Variants in COL21A1 observed in about 807,000 individuals in gnomAD.
COL21A1 encodes collagen type XXI alpha 1 chain, also known as collagen alpha-1(XXI) chain.
Under a neutral mutation model 137.9 loss-of-function variants are expected in COL21A1, and 149 were observed. The observed-to-expected ratio is 1.08, with a 90% confidence interval of 0.95 to 1.24. The LOEUF (loss-of-function observed/expected upper bound fraction) is 1.24. Ranked by LOEUF, COL21A1 falls within the 50% of genes most tolerant of loss-of-function variation. The pLI is 0.00. For missense variants in COL21A1, 1,167 were observed against 1,158.4 expected (o/e 1.01, Z -0.11); for synonymous variants, 456 against 391.5 (o/e 1.16, Z -1.95).
upstream of COL21A1, among the ~76,000 whole-genome samples, chr6:56,252,357 C>G (rs1393408692): frequency 6.6e-6 from 1 of 152,152 alleles, no homozygotes; most frequent in Non-Finnish European, 1.5e-5. Context: ...TGTTAAGCTC[C>G]GTAACTTAAC....
chr6:56,260,039 G>A (rs1371353124), intron 1 of COL21A1, among the ~76,000 whole-genome samples: 1 of 152,194 alleles, frequency 6.6e-6, no homozygotes, highest in Non-Finnish European at 1.5e-5. Context: ...GAGGGTAGGT[G>A]TGACCCACTA....
In COL21A1 at chr6:56,070,585, C is replaced by G. The variant is rs149929009; in HGVS notation, c.2019+160G>C. ...AAGTATCTAAAAAACAGAAATGAAA[C>G]TGTATTGACAATTTCATTTCAGGTA... On this transcript the variant is annotated intron_variant, in intron 21 of 29. Transcript: ENST00000244728. Among the ~76,000 whole-genome samples, 111 of 151,614 alleles carry G rather than the reference C, an allele frequency of 7.3e-4. No homozygotes were observed. In the East Asian group the frequency reaches 0.015, roughly 20 times the overall value.
At chr6:56,119,105 A>C (rs577377738) in intron 16 of COL21A1, among the ~76,000 whole-genome samples, 2 of 152,228 alleles carry the variant, frequency 1.3e-5, no homozygotes, top group East Asian at 3.9e-4. Flanking sequence ...GAAAGTTATA[A>C]AGGGCATCCA....
chr6:56,086,682 C>T (rs111894241), intron 17 of COL21A1, among the ~76,000 whole-genome samples: 2,484 of 152,116 alleles, frequency 0.016, 70 homozygotes, highest in African/African-American at 0.057. Flanking sequence ...GCAGGAAAGG[C>T]AGGCGCACTG....
chr6:56,360,911 C>T (rs1186069139), intron 1 of COL21A1, among the ~76,000 whole-genome samples: 1 of 152,110 alleles, frequency 6.6e-6, no homozygotes, highest in Non-Finnish European at 1.5e-5. Flanking sequence ...ACCAGTCTGG[C>T]CATCATGGGG....
intron 1 of COL21A1, among the ~76,000 whole-genome samples, chr6:56,280,258 A>G (rs866020284): frequency 1.3e-5 from 2 of 152,146 alleles, no homozygotes; most frequent in Non-Finnish European, 2.9e-5. Flanking sequence ...CATTCCTTCA[A>G]CAAGTATTGA....
intron 12 of COL21A1, among the ~76,000 whole-genome samples, chr6:56,127,533 A>G (rs971203185): frequency 2.0e-5 from 3 of 152,168 alleles, no homozygotes; most frequent in Admixed American, 6.5e-5. Flanking sequence ...ATAATATCCA[A>G]TGGCTTCCTG....
At chr6:56,061,070 TTAAA>T (rs750092285) in intron 25 of COL21A1, 33 bp from the exon 26 acceptor site, 14 of 1,555,248 alleles carry the variant, frequency 9.0e-6, no homozygotes, top group Non-Finnish European at 1.2e-5. Context: ...CAAGTTCTAT[TTAAA>T]TATTTCAGGA....
At chr6:56,179,166 C>A (rs1561952929) in intron 3 of COL21A1, among the ~76,000 whole-genome samples, 1 of 151,652 alleles carries the variant, frequency 6.6e-6, no homozygotes, top group Non-Finnish European at 1.5e-5. Flanking sequence ...AACTAAAACA[C>A]ACTGGGGAAA....
At chr6:56,081,692 C>G (rs4336432) in intron 17 of COL21A1, among the ~76,000 whole-genome samples, 23,037 of 151,694 alleles carry the variant, frequency 0.15, 1,779 homozygotes, top group Middle Eastern at 0.22. Context: ...GCAATAAACC[C>G]TTGATAAGGA....
intron 1 of COL21A1, among the ~76,000 whole-genome samples, chr6:56,286,253 A>C (rs1763909887): frequency 6.6e-6 from 1 of 152,216 alleles, no homozygotes; most frequent in Non-Finnish European, 1.5e-5. Context: ...GCATGCACTG[A>C]GCACTGCGCT....
chr6:56,385,865 G>T (rs1195324637), intron 1 of COL21A1, among the ~76,000 whole-genome samples: 1 of 149,474 alleles, frequency 6.7e-6, no homozygotes, highest in African/African-American at 2.5e-5. Context: ...TGCTTTTGAG[G>T]TTCTTCCATG....
At chr6:56,324,949 T>G (rs752738545) in intron 1 of COL21A1, among the ~76,000 whole-genome samples, 1 of 151,830 alleles carries the variant, frequency 6.6e-6, no homozygotes, top group African/African-American at 2.4e-5. Flanking sequence ...AGTACTTTTA[T>G]CTCTGAAGAT....
Position 56,179,732 on chromosome 6 carries a change from C to G in COL21A1, c.486G>C (p.Lys162Asn). The change falls in exon 3 of 30, where the codon AAG (lysine) becomes AAC (asparagine). Residue 162 changes from lysine (K) to asparagine (N), a missense_variant. Transcript: ENST00000244728. ...KDAAQAARDSKITLFAIGVGS... is the reference protein window; with the variant it reads ...KDAAQAARDSNITLFAIGVGS... The stretch of plus-strand genomic sequence containing the variant: ...CAACACCAATAGCAAATAATGTTAT[C>G]TTACTATCTCTTGCTGCTTGAGCTG... 6.2e-7 allele frequency: 1 copy of G among 1,613,918 alleles called. No individual in the cohort carries two copies. Among genetic ancestry groups the G allele is most frequent in the African/African-American group, 1.3e-5 (1 of 75,024 alleles).
chr6:56,289,609 A>G (rs527522296), intron 1 of COL21A1, among the ~76,000 whole-genome samples: 1 of 152,284 alleles, frequency 6.6e-6, no homozygotes, highest in Admixed American at 6.5e-5. Flanking sequence ...CTTGATAGTA[A>G]TAATTTAACC....
At chr6:56,257,047 T>G (rs995952497) in intron 1 of COL21A1, among the ~76,000 whole-genome samples, 2 of 152,172 alleles carry the variant, frequency 1.3e-5, no homozygotes, top group African/African-American at 4.8e-5. Flanking sequence ...TGATTTACAA[T>G]GTCTGGGGAG....
intron 1 of COL21A1, among the ~76,000 whole-genome samples, chr6:56,260,878 A>ATGTG (rs374518974): frequency 1.1e-4 from 9 of 83,612 alleles, no homozygotes; most frequent in African/African-American, 2.9e-4. Flanking sequence ...GTGTGTGTGT[A>ATGTG]TGTGTGTGTG....
intron 12 of COL21A1, among the ~76,000 whole-genome samples, chr6:56,134,000 G>A (rs1349867617): frequency 1.3e-5 from 2 of 152,236 alleles, no homozygotes; most frequent in Admixed American, 6.5e-5. Context: ...GAAATGTGGG[G>A]TTGGAGCCCC....
At chr6:56,162,262 T>C (rs1188803760) in intron 9 of COL21A1, among the ~76,000 whole-genome samples, 1 of 152,110 alleles carries the variant, frequency 6.6e-6, no homozygotes, top group East Asian at 1.9e-4. Context: ...TGTGTTCCTG[T>C]CCTCCTGCCA....
Sources: gnomAD v4.1 joint callset for allele counts (sites outside exome capture counted in the v4.1 genomes callset) on GRCh38, gnomAD v4.1.1 for gene constraint, MANE v1.5 for transcripts, NCBI Gene and HGNC (gene_info 2026-07-23, HGNC 2026-07-21) for gene names.